NELL1: variants seen among roughly 807,000 people sequenced by gnomAD.
The protein encoded by NELL1 is protein kinase C-binding protein NELL1.
Under a neutral mutation model 107.4 loss-of-function variants are expected in NELL1, and 76 were observed. That is an observed-to-expected ratio of 0.71 (90% CI 0.59 to 0.86). The LOEUF (loss-of-function observed/expected upper bound fraction) is 0.86, where lower values mean the gene tolerates loss of function less well. Among genes scored for constraint, NELL1 ranks in the 40% least tolerant of loss-of-function variants. NELL1 has a pLI of 0.00. For missense variants in NELL1, 1,024 were observed against 1,005.5 expected, an observed-to-expected ratio of 1.02 and a Z score of -0.25; for synonymous variants, 353 against 341.2, an observed-to-expected ratio of 1.03 and a Z score of -0.38.
At chr11:20,675,909 G>A (rs963563382) in intron 1 of NELL1, among the ~76,000 whole-genome samples, 6 of 151,850 alleles carry the variant, frequency 4.0e-5, no homozygotes, top group African/African-American at 1.2e-4. Flanking sequence ...CACCATGCCC[G>A]GCTAATTTTT....
chr11:20,860,754 C>T (rs1394300786), intron 4 of NELL1, among the ~76,000 whole-genome samples: 1 of 152,170 alleles, frequency 6.6e-6, no homozygotes, highest in Non-Finnish European at 1.5e-5. Context: ...CAAGGTGAAC[C>T]GTGCCTTGCT....
At chr11:20,780,383 A>G (rs532834630) in intron 2 of NELL1, among the ~76,000 whole-genome samples, 1 of 152,294 alleles carries the variant, frequency 6.6e-6, no homozygotes, top group South Asian at 2.1e-4. Flanking sequence ...CTTTCTGACT[A>G]TAATATATAT....
At chr11:21,416,501 G>A (rs1304120048) in intron 15 of NELL1, among the ~76,000 whole-genome samples, 3 of 152,072 alleles carry the variant, frequency 2.0e-5, no homozygotes, top group African/African-American at 4.8e-5. Flanking sequence ...TTGGCCTTCG[G>A]TTGCAAATAT....
At chr11:21,453,974 T>A (rs888219298) in intron 15 of NELL1, among the ~76,000 whole-genome samples, 6 of 150,856 alleles carry the variant, frequency 4.0e-5, no homozygotes, top group African/African-American at 1.2e-4. Context: ...CATGTGCACA[T>A]TGTGCAGGTT....
chr11:20,821,777 C>G (rs948291732), intron 3 of NELL1, among the ~76,000 whole-genome samples: 1 of 152,186 alleles, frequency 6.6e-6, no homozygotes, highest in Admixed American at 6.5e-5. Context: ...CAGGCTCAGC[C>G]TGGGTTCTGT....
intron 5 of NELL1, among the ~76,000 whole-genome samples, chr11:20,910,030 G>A (rs1270002464): frequency 1.3e-5 from 2 of 152,086 alleles, no homozygotes; most frequent in Non-Finnish European, 2.9e-5. Flanking sequence ...GATAAGGATC[G>A]GTCTTGGTTG....
At chr11:21,158,692 A>G (rs946540366) in intron 13 of NELL1, among the ~76,000 whole-genome samples, 3 of 152,282 alleles carry the variant, frequency 2.0e-5, no homozygotes, top group Middle Eastern at 6.8e-3. Flanking sequence ...TATCATATCT[A>G]CATTTCATTC....
At chr11:20,936,868 G>A (rs997569442) in intron 9 of NELL1, among the ~76,000 whole-genome samples, 1 of 152,146 alleles carries the variant, frequency 6.6e-6, no homozygotes, top group African/African-American at 2.4e-5. Flanking sequence ...GGCTCTGAAA[G>A]GTGAGGTGGT....
intron 15 of NELL1, among the ~76,000 whole-genome samples, chr11:21,494,354 A>G (rs1854918456): frequency 6.6e-6 from 1 of 152,016 alleles, no homozygotes; most frequent in Non-Finnish European, 1.5e-5. Flanking sequence ...TCAAAATAAA[A>G]GAAATTACTC....
chr11:21,067,247 A>T (rs563700876), intron 12 of NELL1, among the ~76,000 whole-genome samples: 40 of 152,330 alleles, frequency 2.6e-4, no homozygotes, highest in African/African-American at 9.6e-4. Flanking sequence ...AAGAGTTCCT[A>T]ACAAGTACAA....
intron 11 of NELL1, among the ~76,000 whole-genome samples, chr11:20,954,918 T>C (rs1303027556): frequency 3.9e-5 from 6 of 152,048 alleles, no homozygotes; most frequent in Non-Finnish European, 8.8e-5. Flanking sequence ...GTCAGATGCA[T>C]GTGGAAAGAA....
chr11:20,776,518 A>G (rs1400155392), intron 2 of NELL1, among the ~76,000 whole-genome samples: 1 of 152,086 alleles, frequency 6.6e-6, no homozygotes, highest in Non-Finnish European at 1.5e-5. Context: ...ACACATGTAA[A>G]TGATTCTATA....
At chr11:21,437,437 G>A (rs1339943114) in intron 15 of NELL1, among the ~76,000 whole-genome samples, 4 of 152,122 alleles carry the variant, frequency 2.6e-5, no homozygotes, top group Non-Finnish European at 4.4e-5. Context: ...TCGGCTCACC[G>A]CAACCTCCGC....
At chr11:20,720,354 T>C (rs1855351986) in intron 2 of NELL1, among the ~76,000 whole-genome samples, 1 of 151,894 alleles carries the variant, frequency 6.6e-6, no homozygotes, top group South Asian at 2.1e-4. Flanking sequence ...ACTACAGGCG[T>C]GCGCCACCAT....
At chr11:21,141,720 C>CCCT (rs1411469288) in intron 13 of NELL1, among the ~76,000 whole-genome samples, 1 of 151,362 alleles carries the variant, frequency 6.6e-6, no homozygotes, top group African/African-American at 2.4e-5. Context: ...CCATTGTATA[C>CCCT]CCTCCTCCTC....
intron 15 of NELL1, among the ~76,000 whole-genome samples, chr11:21,527,330 T>C (rs1564941904): frequency 6.6e-6 from 1 of 152,168 alleles, no homozygotes; most frequent in Non-Finnish European, 1.5e-5. Context: ...AACTTTCCCG[T>C]ATCTTCCTGT....
chr11:21,494,432 A>G (rs1169663247), intron 15 of NELL1, among the ~76,000 whole-genome samples: 1 of 151,982 alleles, frequency 6.6e-6, no homozygotes, highest in Admixed American at 6.6e-5. Context: ...CCTTGGAGGC[A>G]AAATTTTTCC....
intron 16 of NELL1, among the ~76,000 whole-genome samples, chr11:21,547,323 C>T (rs4329685): frequency 0.87 from 131,995 of 151,716 alleles, 58,258 homozygotes; most frequent in Non-Finnish European, 0.95. Flanking sequence ...AATCTAATTG[C>T]GTTCCAAGGA....
intron 13 of NELL1, among the ~76,000 whole-genome samples, chr11:21,156,620 G>A (rs1313102906): frequency 6.6e-6 from 1 of 152,142 alleles, no homozygotes; most frequent in Non-Finnish European, 1.5e-5. Context: ...AGAGATGGCA[G>A]TACCCAGCAG....
Sources: allele counts gnomAD v4.1 joint callset (sites outside exome capture counted in the v4.1 genomes callset), GRCh38; gene constraint gnomAD v4.1.1; transcripts MANE v1.5; gene names NCBI Gene and HGNC (gene_info 2026-07-23, HGNC 2026-07-21).